NFIA: variants seen among roughly 807,000 people sequenced by gnomAD.
The protein encoded by NFIA is nuclear factor 1 A-type.
NFIA carries 8 observed loss-of-function variants against 62.8 expected under a neutral mutation model. The ratio of observed to expected loss-of-function variants is 0.13; its 90% CI spans 0.07 to 0.23. NFIA has a LOEUF of 0.23. Among genes scored for constraint, NFIA ranks in the 10% least tolerant of loss-of-function variants. The pLI, the probability that NFIA is intolerant of heterozygous loss-of-function variation, is 1.00. For missense variants in NFIA, 410 were observed against 642.1 expected, an observed-to-expected ratio of 0.64 and a Z score of 3.91; for synonymous variants, 235 against 238.1, an observed-to-expected ratio of 0.99 and a Z score of 0.12.
chr1:61,199,368 A>G (rs1570364593), intron 2 of NFIA, among the ~76,000 whole-genome samples: 1 of 152,312 alleles, frequency 6.6e-6, no homozygotes, highest in Non-Finnish European at 1.5e-5. Flanking sequence ...ACAAAATGCT[A>G]AGGAAAAATG....
intron 2 of NFIA, among the ~76,000 whole-genome samples, chr1:61,140,760 T>C (rs1011046740): frequency 6.6e-6 from 1 of 152,078 alleles, no homozygotes; most frequent in African/African-American, 2.4e-5. Context: ...AATCCCTATT[T>C]TCTGTTAAAT....
At chr1:61,241,652 C>A (rs1239400950) in intron 2 of NFIA, among the ~76,000 whole-genome samples, 1 of 151,702 alleles carries the variant, frequency 6.6e-6, no homozygotes, top group Non-Finnish European at 1.5e-5. Flanking sequence ...CCACTGCCAA[C>A]CCCCTCCCCC....
intron 2 of NFIA, among the ~76,000 whole-genome samples, chr1:61,091,309 C>T (rs181299507): frequency 3.9e-5 from 6 of 151,932 alleles, no homozygotes; most frequent in East Asian, 3.9e-4. Flanking sequence ...TCAGAACATA[C>T]GTGAGAATAC....
intron 6 of NFIA, among the ~76,000 whole-genome samples, chr1:61,379,939 T>A (rs1179738151): frequency 6.6e-6 from 1 of 152,156 alleles, no homozygotes; most frequent in Non-Finnish European, 1.5e-5. Context: ...CTTGTTGAAC[T>A]TTGCACTTAT....
At chr1:61,403,976 A>T in intron 7 of NFIA, 128 bp from the exon 8 acceptor site, 1 of 1,091,554 alleles carries the variant, frequency 9.2e-7, no homozygotes, top group Non-Finnish European at 1.3e-6. Flanking sequence ...ATCCAGTGTT[A>T]AATTCAGTCA....
chr1:61,286,305 G>A (rs1658492311), intron 3 of NFIA, among the ~76,000 whole-genome samples: 1 of 151,730 alleles, frequency 6.6e-6, no homozygotes, highest in African/African-American at 2.4e-5. Context: ...GCAGGCGCCT[G>A]TAGTCCCAGC....
chr1:61,326,704 A>G (rs961661366), intron 3 of NFIA, among the ~76,000 whole-genome samples: 5 of 152,194 alleles, frequency 3.3e-5, no homozygotes, highest in African/African-American at 1.2e-4. Context: ...TTCAGAAGGG[A>G]GAAAAAAAGT....
chr1:61,128,757 A>G (rs928981762), intron 2 of NFIA, among the ~76,000 whole-genome samples: 1 of 152,090 alleles, frequency 6.6e-6, no homozygotes, highest in Non-Finnish European at 1.5e-5. Context: ...ATGATTTTAC[A>G]TATGTTAAGA....
At chr1:61,251,824 A>G (rs1261035135) in intron 2 of NFIA, among the ~76,000 whole-genome samples, 1 of 152,232 alleles carries the variant, frequency 6.6e-6, no homozygotes, top group African/African-American at 2.4e-5. Flanking sequence ...TAACAAAAAT[A>G]TAAATAGAGT....
At chr1:61,394,911 C>T (rs1317647457) in intron 7 of NFIA, among the ~76,000 whole-genome samples, 1 of 152,080 alleles carries the variant, frequency 6.6e-6, no homozygotes, top group Non-Finnish European at 1.5e-5. Context: ...GAGTTTGCAA[C>T]CAGCCTGGGT....
intron 6 of NFIA, among the ~76,000 whole-genome samples, chr1:61,376,788 A>C (rs1664169635): frequency 6.6e-6 from 1 of 152,222 alleles, no homozygotes; most frequent in Non-Finnish European, 1.5e-5. Context: ...AGAACCAGAG[A>C]GACCTGGATC....
chr1:61,431,252 C>A (rs1667087619), intron 10 of NFIA, among the ~76,000 whole-genome samples: 1 of 152,148 alleles, frequency 6.6e-6, no homozygotes, highest in African/African-American at 2.4e-5. Flanking sequence ...GTTAATATTT[C>A]ATCATCAGGT....
intron 2 of NFIA, among the ~76,000 whole-genome samples, chr1:61,172,508 C>T (rs1650036255): frequency 6.6e-6 from 1 of 152,200 alleles, no homozygotes; most frequent in East Asian, 1.9e-4. Flanking sequence ...CTGACTTTAG[C>T]ATCTGAGCCC....
At chr1:61,082,419 G>T (rs1422902700), upstream of NFIA, 12 of 983,844 alleles carry the variant, frequency 1.2e-5, no homozygotes, top group Non-Finnish European at 1.3e-5. Flanking sequence ...GTGCGGTGCG[G>T]TGCAGAGCGG....
intron 2 of NFIA, among the ~76,000 whole-genome samples, chr1:61,102,854 G>C (rs1015249582): frequency 1.3e-5 from 2 of 152,096 alleles, no homozygotes; most frequent in African/African-American, 2.4e-5. Context: ...TGATGTTTCA[G>C]TAAATTCTAA....
At chr1:61,204,670 C>T (rs952090941) in intron 2 of NFIA, among the ~76,000 whole-genome samples, 2 of 152,146 alleles carry the variant, frequency 1.3e-5, no homozygotes, top group Admixed American at 1.3e-4. Flanking sequence ...TTCTGCCCCC[C>T]CCACCCTTGG....
At chr1:61,334,531 A>G (rs61770520) in intron 4 of NFIA, among the ~76,000 whole-genome samples, 2,636 of 13,456 alleles carry the variant, frequency 0.2, 226 homozygotes, top group African/African-American at 0.32. Flanking sequence ...GTGTGTGTGT[A>G]TATATGTGTG....
At chr1:61,156,486 A>G (rs1053998424) in intron 2 of NFIA, among the ~76,000 whole-genome samples, 3 of 152,208 alleles carry the variant, frequency 2.0e-5, no homozygotes, top group African/African-American at 7.2e-5. Flanking sequence ...CATTTTACTG[A>G]CTATAGAGAA....
intron 4 of NFIA, among the ~76,000 whole-genome samples, chr1:61,338,604 C>T (rs1311957554): frequency 6.6e-6 from 1 of 152,174 alleles, no homozygotes; most frequent in Non-Finnish European, 1.5e-5. Flanking sequence ...TCTAACCTGA[C>T]ATGGTGGAAC....
Sources: allele counts gnomAD v4.1 joint callset (sites outside exome capture counted in the v4.1 genomes callset), GRCh38; gene constraint gnomAD v4.1.1; transcripts MANE v1.5; gene names NCBI Gene and HGNC (gene_info 2026-07-23, HGNC 2026-07-21).